The following FAM131B variants were observed in gnomAD, a reference collection of about 807,000 sequenced individuals.
The protein encoded by FAM131B is family with sequence similarity 131 member B.
A neutral mutation model predicts 42.0 loss-of-function variants in FAM131B; 19 were observed. The observed-to-expected ratio is 0.45, with a 90% CI of 0.32 to 0.66. The LOEUF (loss-of-function observed/expected upper bound fraction) is 0.66. Ranked by LOEUF, FAM131B falls within the 30% of genes least tolerant of loss-of-function variation. The probability of loss-of-function intolerance (pLI) is 0.05; values close to 1 mark genes in which losing one functional copy is unlikely to be tolerated. For synonymous variants in FAM131B, 183 were observed against 177.6 expected, an observed-to-expected ratio of 1.03 and a Z score of -0.24; for missense variants, 370 against 468.4, an observed-to-expected ratio of 0.79 and a Z score of 1.94.
Position 143,359,779 on chromosome 7 carries a change from G to C in FAM131B, c.139-12C>G, listed in dbSNP as rs1221096098. ...TCAGTTCGAGTTTGCTGTGAGGAGA[G>C]AGGAAAGGGAATGGGCATCCCAGTC... On this transcript the variant is annotated splice_polypyrimidine_tract_variant and intron_variant, in intron 2 of 6. Transcript: ENST00000443739. This position sits in a 1 kb window ranked among gnomAD's most constrained non-coding sequence, Gnocchi z 5.4. 1 of 1,562,816 alleles carries C rather than the reference G, an allele frequency of 6.4e-7. No homozygotes were observed.
the FAM131B span, chr7:143,381,710 C>T: frequency 6.2e-7 from 1 of 1,602,502 alleles, no homozygotes; most frequent in Non-Finnish European, 8.5e-7. Context: ...CAGCGAGCCT[C>T]CCCCGGCACC....
chr7:143,366,054 A>G (rs1312838920), upstream of FAM131B, among the ~76,000 whole-genome samples: 1 of 152,214 alleles, frequency 6.6e-6, no homozygotes, highest in Non-Finnish European at 1.5e-5. Context: ...ACCTGGCCAA[A>G]AAAGCCAGCA....
the FAM131B span, chr7:143,380,903 G>T: frequency 1.7e-6 from 1 of 574,226 alleles, no homozygotes; most frequent in Non-Finnish European, 2.2e-6. The surrounding 1 kb of genome is among the most constrained non-coding windows in gnomAD (Gnocchi z 5.0). Context: ...GGAGGTCGCT[G>T]GGCCGGGCCG....
chr7:143,381,591 CT>C, the FAM131B span: 1 of 1,611,016 alleles, frequency 6.2e-7, no homozygotes, highest in Non-Finnish European at 8.5e-7. Flanking sequence ...CCCCGCCCGT[CT>C]CCCGCGATCT....
At chr7:143,365,893 G>A (rs544724088), upstream of FAM131B, among the ~76,000 whole-genome samples, 3 of 152,320 alleles carry the variant, frequency 2.0e-5, no homozygotes, top group African/African-American at 7.2e-5. Flanking sequence ...ACAGGCGTGA[G>A]CCACCACGCC....
the FAM131B span, among the ~76,000 whole-genome samples, chr7:143,377,873 C>T: frequency 2.9e-4 from 44 of 152,032 alleles, no homozygotes; most frequent in Non-Finnish European, 4.4e-5. Context: ...GCCACCACGC[C>T]CAGCTAATTT....
upstream of FAM131B, among the ~76,000 whole-genome samples, chr7:143,365,126 C>A (rs1408933812): frequency 6.6e-6 from 1 of 152,136 alleles, no homozygotes; most frequent in Non-Finnish European, 1.5e-5. Flanking sequence ...GAAAGGGAAG[C>A]TCAAAGTACA....
chr7:143,368,449 T>C, the FAM131B span, among the ~76,000 whole-genome samples: 2 of 152,350 alleles, frequency 1.3e-5, no homozygotes, highest in Middle Eastern at 6.8e-3. Context: ...GGAAGGCTTG[T>C]CCTGATTGTC....
chr7:143,361,986 TCCC>T, intron 1 of FAM131B: 10 of 887,124 alleles, frequency 1.1e-5, no homozygotes, highest in Non-Finnish European at 1.3e-5. Flanking sequence ...CCCGGGCTCA[TCCC>T]GCCCCCGCCC....
intron 1 of FAM131B, chr7:143,361,916 C>T (rs1169445773): frequency 1.0e-5 from 4 of 391,512 alleles, no homozygotes; most frequent in Non-Finnish European, 1.4e-5. Flanking sequence ...CCATCTCCTC[C>T]CCGCGTCCCC....
At chr7:143,378,982 A>G in the FAM131B span, among the ~76,000 whole-genome samples, 1 of 152,216 alleles carries the variant, frequency 6.6e-6, no homozygotes. Flanking sequence ...TGTATTTAGA[A>G]TGGCTGGCTT....
At chr7:143,367,644 G>T (rs1804210185), upstream of FAM131B, among the ~76,000 whole-genome samples, 1 of 152,174 alleles carries the variant, frequency 6.6e-6, no homozygotes, top group Admixed American at 6.5e-5. Flanking sequence ...GGTGGAGGTT[G>T]CAGTGAGCCA....
At chr7:143,381,149 C>G in the FAM131B span, 2 of 973,218 alleles carry the variant, frequency 2.1e-6, no homozygotes, top group African/African-American at 1.8e-5. Flanking sequence ...GCGGAGCCTC[C>G]GGCCTGAGGC....
chr7:143,369,242 TA>T, the FAM131B span, among the ~76,000 whole-genome samples: 5 of 152,226 alleles, frequency 3.3e-5, no homozygotes, highest in Admixed American at 6.5e-5. Flanking sequence ...TTCCCTATCC[TA>T]AGATGCACCC....
rs962706254 is a variant in FAM131B, at chr7:143,359,103, C to T, written c.269-79G>A. 4.9e-6 allele frequency: 7 copies of T among 1,435,002 alleles called. No individual in the cohort carries two copies. The African/African-American group carries it at 7.0e-5, about 14-fold the overall frequency. The allele number at this position is 1,435,002 out of a possible 1,614,324, so 88.9% of individuals were successfully genotyped here. On this transcript the variant is annotated intron_variant, in intron 4 of 6. Transcript: ENST00000443739. This position sits in a 1 kb window ranked among gnomAD's most constrained non-coding sequence, Gnocchi z 5.4. ...CCAGACCCTCCCAGTTCCTCCCACC[C>T]CAGCCCCATGAGGCTCCATCCCACT...
At chr7:143,370,708 A>T in the FAM131B span, among the ~76,000 whole-genome samples, 3 of 152,214 alleles carry the variant, frequency 2.0e-5, no homozygotes, top group South Asian at 2.1e-4. Context: ...CATATAATTT[A>T]AAAAAATACA....
At position 143,356,478 on chromosome 7, in the gene FAM131B, G is replaced by C. The variant is rs985203238; in HGVS notation, c.*72C>G. 32 of 1,137,758 alleles carry C rather than the reference G, an allele frequency of 2.8e-5. No individual in the cohort carries two copies. Among genetic ancestry groups the C allele is most frequent in the African/African-American group, 7.6e-5 (5 of 65,870 alleles). 70.5% of individuals were successfully genotyped at this position (1,137,758 alleles called of 1,614,324 possible). ...CTGCCCAGTTTCAGCTGTACTGCTG[G>C]GGGGAGGGAGGGTATGGGTCACAGC... On this transcript the variant is annotated 3_prime_UTR_variant, in exon 7 of 7. Coordinates refer to ENST00000443739, the MANE Select transcript of FAM131B (RefSeq NM_001031690.3). This position sits in a 1 kb window ranked among gnomAD's most constrained non-coding sequence, Gnocchi z 4.4.
chr7:143,360,426 A>G, intron 1 of FAM131B: 1 of 1,294,512 alleles, frequency 7.7e-7, no homozygotes, highest in South Asian at 1.7e-5. Context: ...TCAGAAAACC[A>G]ATTATTCCGT....
At chr7:143,382,135 G>T in the FAM131B span, 13 of 916,998 alleles carry the variant, frequency 1.4e-5, no homozygotes, top group East Asian at 5.4e-5. Context: ...TTCCCCACAC[G>T]CTCTGGGACC....
Sources: allele counts gnomAD v4.1 joint callset (sites outside exome capture counted in the v4.1 genomes callset), GRCh38; gene constraint gnomAD v4.1.1; non-coding constraint Gnocchi (gnomAD v3.1); transcripts MANE v1.5; gene names NCBI Gene and HGNC (gene_info 2026-07-23, HGNC 2026-07-21).